Variants in HTR4 observed in about 807,000 individuals in gnomAD.
The protein encoded by HTR4 is 5-hydroxytryptamine receptor 4.
A neutral mutation model predicts 36.8 loss-of-function variants in HTR4; 16 were observed. That is an observed-to-expected ratio of 0.43 (90% confidence interval 0.29 to 0.66). HTR4 has a LOEUF of 0.66. Among genes scored for constraint, HTR4 ranks in the 30% least tolerant of loss-of-function variants. HTR4 has a pLI of 0.13. For synonymous variants in HTR4, 189 were observed against 185.1 expected (o/e 1.02, Z -0.17); for missense variants, 438 against 490.9 (o/e 0.89, Z 1.02).
intron 1 of HTR4, among the ~76,000 whole-genome samples, chr5:148,638,634 A>C (rs1018874294): frequency 6.6e-6 from 1 of 152,182 alleles, no homozygotes; most frequent in South Asian, 2.1e-4. Context: ...CCGACACAAA[A>C]ACCTGCTCTT....
chr5:148,640,766 A>G (rs1019080919), intron 1 of HTR4, among the ~76,000 whole-genome samples: 10 of 152,214 alleles, frequency 6.6e-5, no homozygotes, highest in Non-Finnish European at 1.2e-4. Context: ...TTTGCAGATT[A>G]AAAGGAAGAA....
chr5:148,506,460 T>C (rs963120032), intron 6 of HTR4, among the ~76,000 whole-genome samples: 1 of 152,134 alleles, frequency 6.6e-6, no homozygotes, highest in Non-Finnish European at 1.5e-5. Flanking sequence ...GACATAGGAA[T>C]GGGCAAGGAC....
chr5:148,595,082 T>G (rs79237847), intron 2 of HTR4, among the ~76,000 whole-genome samples: 2,521 of 110,452 alleles, frequency 0.023, 120 homozygotes, highest in East Asian at 0.13. Context: ...CTGAAAACAG[T>G]TTTTTTTTTT....
chr5:148,484,631 A>C lies in HTR4; in HGVS notation c.1077-1338T>G, dbSNP rs527994852. Among the ~76,000 whole-genome samples, 5 of 152,322 alleles carry C rather than the reference A, an allele frequency of 3.3e-5. No individual in the cohort carries two copies. In the South Asian group the frequency reaches 1.0e-3, roughly 32 times the overall value. ...GCTCAGAGAGAGTTAAATGCTTTCC[A>C]TCAATCCTGGACAGCAACTTTCTCC... On this transcript the variant is annotated intron_variant, in intron 6 of 6. Coordinates refer to ENST00000377888, the MANE Select transcript of HTR4 (RefSeq NM_000870.7).
At chr5:148,543,733 T>C (rs1759233164) in intron 4 of HTR4, among the ~76,000 whole-genome samples, 1 of 152,124 alleles carries the variant, frequency 6.6e-6, no homozygotes, top group African/African-American at 2.4e-5. Flanking sequence ...TTAAAAAATC[T>C]GTGAGGATTA....
At chr5:148,465,941 G>C (rs767552144) in intron 5 of HTR4, 1 of 1,609,802 alleles carries the variant, frequency 6.2e-7, no homozygotes, top group Non-Finnish European at 8.5e-7. Context: ...AGTTGAAACA[G>C]AAAACAGCCA....
chr5:148,467,191 G>A (rs890827879), intron 5 of HTR4, among the ~76,000 whole-genome samples: 35 of 152,190 alleles, frequency 2.3e-4, no homozygotes, highest in African/African-American at 4.8e-4. Flanking sequence ...ACAATTAAGC[G>A]GTGTTGAATG....
intron 5 of HTR4, among the ~76,000 whole-genome samples, chr5:148,469,756 G>A (rs769219320): frequency 6.6e-6 from 1 of 152,176 alleles, no homozygotes; most frequent in East Asian, 1.9e-4. Flanking sequence ...GCCTTGTCAG[G>A]CTCCTAGGAT....
chr5:148,512,017 T>C (rs1757523039), intron 5 of HTR4, among the ~76,000 whole-genome samples: 1 of 152,228 alleles, frequency 6.6e-6, no homozygotes, highest in South Asian at 2.1e-4. Flanking sequence ...ACATCACTCC[T>C]TTTGGAAAGC....
rs1341044956 is a variant in HTR4, at chr5:148,523,812, C to T, written c.354-466G>A. 2.0e-5 allele frequency among the ~76,000 whole-genome samples: 3 copies of T among 152,174 alleles called. No individual in the cohort carries two copies. In the East Asian group the frequency reaches 5.8e-4, roughly 29 times the overall value. The stretch of plus-strand genomic sequence containing the variant: ...CACTGTTCCAACACTATCCCGATGC[C>T]TGTGCATTGAGGAGCCTCTGCCCAG... On this transcript the variant is annotated intron_variant, in intron 4 of 6. Transcript: ENST00000377888.
intron 2 of HTR4, among the ~76,000 whole-genome samples, chr5:148,556,213 A>C (rs1488799415): frequency 1.3e-5 from 2 of 152,048 alleles, no homozygotes; most frequent in African/African-American, 4.8e-5. Context: ...TAGTAGGGAC[A>C]GGGTTTCGCC....
chr5:148,471,499 G>A (rs1284840920), intron 5 of HTR4, among the ~76,000 whole-genome samples: 2 of 152,122 alleles, frequency 1.3e-5, no homozygotes, highest in African/African-American at 2.4e-5. Flanking sequence ...AACAATTTAT[G>A]AGATAATTTC....
intron 5 of HTR4, among the ~76,000 whole-genome samples, chr5:148,519,982 G>A (rs1012471782): frequency 2.1e-4 from 32 of 152,106 alleles, no homozygotes; most frequent in Non-Finnish European, 3.7e-4. Flanking sequence ...CAATGCTAAC[G>A]AGTCAACATA....
chr5:148,476,959 G>A (rs7733410), downstream of HTR4, among the ~76,000 whole-genome samples: 63,204 of 151,926 alleles, frequency 0.42, 13,684 homozygotes, highest in East Asian at 0.69. Flanking sequence ...TGGAAAGAAC[G>A]GCAGGAGTAG....
rs3041922 is a variant in HTR4, at chr5:148,516,627, CT to C, written c.507+6565del. ...GCCACCGCACCTGGCCAAAAATTCC[CT>C]TTTTTTTTTTGTAGATGCTCCTTAT... On this transcript the variant is annotated intron_variant, in intron 5 of 6. Coordinates refer to ENST00000377888, the MANE Select transcript of HTR4 (RefSeq NM_000870.7). 4.9e-3 allele frequency among the ~76,000 whole-genome samples: 700 copies of C among 143,362 alleles called. 7 individuals carry two copies. Among genetic ancestry groups the C allele is most frequent in the South Asian group, 0.032 (147 of 4,546 alleles). 94.1% of individuals were successfully genotyped at this position (143,362 alleles called of 152,430 possible).
chr5:148,540,442 A>ATG (rs1759062320), intron 4 of HTR4, among the ~76,000 whole-genome samples: 1 of 122,564 alleles, frequency 8.2e-6, no homozygotes, highest in East Asian at 2.3e-4. Flanking sequence ...ATATATATAT[A>ATG]TATATAATCT....
chr5:148,619,215 C>T (rs770139155), intron 2 of HTR4, among the ~76,000 whole-genome samples: 40 of 152,008 alleles, frequency 2.6e-4, no homozygotes, highest in South Asian at 8.3e-4. Context: ...TCCTTTTCAC[C>T]GGACCTCTCT....
chr5:148,624,964 C>T lies in HTR4; in HGVS notation c.26+12025G>A, dbSNP rs554186825. On this transcript the variant is annotated intron_variant, in intron 2 of 6. Transcript: ENST00000377888. ...GGCATGTTAAACCACTAATTACAAA[C>T]AACAATGACAATTATAAATAATTGA... Among the ~76,000 whole-genome samples the T allele has an allele frequency of 9.2e-5, 14 of 152,244 alleles. No homozygotes were observed. The South Asian group carries it at 2.7e-3, about 29-fold the overall frequency.
At chr5:148,615,586 C>T (rs886923067) in intron 2 of HTR4, among the ~76,000 whole-genome samples, 2 of 148,916 alleles carry the variant, frequency 1.3e-5, no homozygotes, top group African/African-American at 5.0e-5. Flanking sequence ...TGCTAGATGA[C>T]GAGTTAGTGG....
Sources: allele counts gnomAD v4.1 joint callset (sites outside exome capture counted in the v4.1 genomes callset), GRCh38; gene constraint gnomAD v4.1.1; transcripts MANE v1.5; gene names NCBI Gene and HGNC (gene_info 2026-07-23, HGNC 2026-07-21).